The following ELF2 variants were observed in gnomAD, a reference collection of about 807,000 sequenced individuals.
ELF2 encodes ETS-related transcription factor Elf-2.
In ELF2, 11 loss-of-function variants were observed where a neutral mutation model predicts 54.8. The ratio of observed to expected loss-of-function variants is 0.20; its 90% CI spans 0.13 to 0.33. The LOEUF (loss-of-function observed/expected upper bound fraction) is 0.33. ELF2 is among the 10% of genes least tolerant of loss of function. The pLI, the probability that ELF2 is intolerant of heterozygous loss-of-function variation, is 1.00. For missense variants in ELF2, 513 were observed against 703.0 expected (o/e 0.73, Z 3.06); for synonymous variants, 203 against 245.1 (o/e 0.83, Z 1.61).
intron 4 of ELF2, among the ~76,000 whole-genome samples, chr4:139,086,211 G>A (rs1025645016): frequency 2.1e-5 from 1 of 48,418 alleles, no homozygotes; most frequent in Non-Finnish European, 4.3e-5. Context: ...AGAATAGGAA[G>A]AGGCCAAGCT....
intron 4 of ELF2, among the ~76,000 whole-genome samples, chr4:139,124,946 T>C (rs1405313300): frequency 6.6e-6 from 1 of 152,180 alleles, no homozygotes; most frequent in East Asian, 1.9e-4. Flanking sequence ...ATTTTGTGCA[T>C]AGAGTCCATG....
At chr4:139,151,361 G>T (rs1227866804) in intron 1 of ELF2, among the ~76,000 whole-genome samples, 1 of 152,044 alleles carries the variant, frequency 6.6e-6, no homozygotes, top group Non-Finnish European at 1.5e-5. Flanking sequence ...TTATTGTTTG[G>T]TTTATAACAA....
At chr4:139,165,430 G>A (rs1186304620) in intron 1 of ELF2, among the ~76,000 whole-genome samples, 1 of 152,140 alleles carries the variant, frequency 6.6e-6, no homozygotes, top group African/African-American at 2.4e-5. Flanking sequence ...CTGGGAGGCC[G>A]AGGTGGATGG....
intron 3 of ELF2, among the ~76,000 whole-genome samples, chr4:139,129,285 T>C (rs1737258601): frequency 6.6e-6 from 1 of 152,212 alleles, no homozygotes; most frequent in East Asian, 1.9e-4. Context: ...TTCATCTCCA[T>C]AGACTCAAGT....
rs542165098 is a variant in ELF2, at chr4:139,166,635, G to A, written c.-252+10332C>T. Among the ~76,000 whole-genome samples the A allele has an allele frequency of 5.9e-5, 9 of 152,238 alleles. No individual in the cohort carries two copies. The East Asian group carries it at 1.5e-3, about 26-fold the overall frequency. ...TGTAATCCCAGTACTTTGGGAGGCC[G>A]AGGTGGGCGGATCACAAGGTCAGGA... On this transcript the variant is annotated intron_variant, in intron 1 of 9. Transcript: ENST00000686138.
At chr4:139,158,791 A>G (rs953940611) in intron 1 of ELF2, among the ~76,000 whole-genome samples, 3 of 152,192 alleles carry the variant, frequency 2.0e-5, no homozygotes, top group African/African-American at 7.2e-5. Flanking sequence ...AAGGGGGTTT[A>G]GCGTAATTAC....
chr4:139,140,968 T>TAGA (rs1202388159), intron 1 of ELF2, among the ~76,000 whole-genome samples: 1 of 152,160 alleles, frequency 6.6e-6, no homozygotes, highest in Non-Finnish European at 1.5e-5. Context: ...ATTCTGCTTG[T>TAGA]AGAATCCAAT....
intron 4 of ELF2, among the ~76,000 whole-genome samples, chr4:139,113,175 T>C (rs1244806195): frequency 2.0e-5 from 3 of 151,764 alleles, no homozygotes; most frequent in African/African-American, 7.3e-5. Flanking sequence ...CTGGGCAACA[T>C]ACTGAGATCT....
chr4:139,092,892 A>C (rs1732823708), intron 4 of ELF2, among the ~76,000 whole-genome samples: 1 of 152,164 alleles, frequency 6.6e-6, no homozygotes, highest in African/African-American at 2.4e-5. Context: ...TGAAACATAT[A>C]AACTACTAGA....
At chr4:139,132,857 T>G (rs1431054506) in intron 3 of ELF2, among the ~76,000 whole-genome samples, 1 of 138,630 alleles carries the variant, frequency 7.2e-6, no homozygotes, top group South Asian at 2.1e-4. Flanking sequence ...TATATATATA[T>G]ATATATATAT....
At chr4:139,122,231 C>G (rs1736434219) in intron 4 of ELF2, among the ~76,000 whole-genome samples, 1 of 152,164 alleles carries the variant, frequency 6.6e-6, no homozygotes, top group Non-Finnish European at 1.5e-5. Flanking sequence ...CTATACAGAT[C>G]TCAATTCCCC....
intron 1 of ELF2, among the ~76,000 whole-genome samples, chr4:139,140,323 A>T (rs925641992): frequency 6.6e-6 from 1 of 152,192 alleles, no homozygotes; most frequent in Non-Finnish European, 1.5e-5. Flanking sequence ...CTTCTTTCAA[A>T]GGCTAATGTA....
At chr4:139,118,041 A>G (rs1463046546) in intron 4 of ELF2, 3 of 156,402 alleles carry the variant, frequency 1.9e-5, no homozygotes, top group Middle Eastern at 5.1e-4. Context: ...CTTAAGTATG[A>G]CTTTACATAG....
At chr4:139,165,119 TG>T (rs1343820940) in intron 1 of ELF2, among the ~76,000 whole-genome samples, 3 of 144,436 alleles carry the variant, frequency 2.1e-5, no homozygotes, top group African/African-American at 7.5e-5. Context: ...AGATAATCCC[TG>T]TATTTCATGC....
At chr4:139,168,082 T>G (rs932774502) in intron 1 of ELF2, among the ~76,000 whole-genome samples, 5 of 152,218 alleles carry the variant, frequency 3.3e-5, no homozygotes, top group African/African-American at 4.8e-5. Context: ...TTCAACCCAG[T>G]TATGGAATGC....
chr4:139,103,398 C>T (rs972612036), intron 4 of ELF2, among the ~76,000 whole-genome samples: 4 of 152,198 alleles, frequency 2.6e-5, no homozygotes, highest in Admixed American at 2.6e-4. Context: ...CACTCCCAAC[C>T]TCTGGGCCTC....
chr4:139,135,265 GTGTGTGTGTGTGTGTA>G (rs1463388831), intron 3 of ELF2, among the ~76,000 whole-genome samples: 148 of 145,926 alleles, frequency 1.0e-3, no homozygotes, highest in Non-Finnish European at 1.9e-3. Context: ...GTGTGTGTGT[GTGTGTGTGTGTGTGTA>G]TATATGAATG....
chr4:139,117,231 A>AAT (rs1207152319), intron 4 of ELF2, among the ~76,000 whole-genome samples: 3 of 152,340 alleles, frequency 2.0e-5, no homozygotes, highest in East Asian at 3.9e-4. Flanking sequence ...AGCAAAGATT[A>AAT]ATCAGTCTGC....
At chr4:139,108,819 T>C (rs891600141) in intron 4 of ELF2, among the ~76,000 whole-genome samples, 2 of 151,976 alleles carry the variant, frequency 1.3e-5, no homozygotes, top group African/African-American at 4.8e-5. Context: ...TTAAGGAAGG[T>C]CACAGAAGAC....
Sources: gnomAD v4.1 joint callset for allele counts (sites outside exome capture counted in the v4.1 genomes callset) on GRCh38, gnomAD v4.1.1 for gene constraint, MANE v1.5 for transcripts, NCBI Gene and HGNC (gene_info 2026-07-23, HGNC 2026-07-21) for gene names.